The following LUC7L3 variants were observed in gnomAD, a reference collection of about 807,000 sequenced individuals.
LUC7L3 encodes the protein luc7-like protein 3.
In LUC7L3, 6 loss-of-function variants were observed where a neutral mutation model predicts 66.8. The ratio of observed to expected loss-of-function variants is 0.09; its 90% CI spans 0.05 to 0.18. LUC7L3 has a LOEUF of 0.18. LUC7L3 is among the 10% of genes least tolerant of loss of function. The pLI, the probability that LUC7L3 is intolerant of heterozygous loss-of-function variation, is 1.00. For missense variants in LUC7L3, 341 were observed against 531.1 expected, an observed-to-expected ratio of 0.64 and a Z score of 3.52; for synonymous variants, 160 against 174.7, an observed-to-expected ratio of 0.92 and a Z score of 0.66.
In LUC7L3 at chr17:50,751,169, T is replaced by C; in HGVS notation, c.*508T>C. On this transcript the variant is annotated 3_prime_UTR_variant, in exon 10 of 10. Transcript: ENST00000505658. ...CTAGTATTTCTTTGTCAAGGATGTT[T>C]CTAGTTTTTTGCTTTATTGCCTTGC... 6.7e-7 allele frequency: 1 copy of C among 1,481,940 alleles called. No individual in the cohort carries two copies. The highest frequency in any genetic ancestry group is 8.9e-7 in the Non-Finnish European group (1 of 1,118,674). 91.8% of individuals were successfully genotyped at this position (1,481,940 alleles called of 1,614,324 possible).
At chr17:50,749,880 A>G (rs1450115094) in intron 9 of LUC7L3, among the ~76,000 whole-genome samples, 1 of 152,160 alleles carries the variant, frequency 6.6e-6, no homozygotes, top group African/African-American at 2.4e-5. Flanking sequence ...GTTGAATTTT[A>G]ATTTCTCTTT....
At position 50,752,020 on chromosome 17, in the gene LUC7L3, C is replaced by G; in HGVS notation, c.*1359C>G. On this transcript the variant is annotated 3_prime_UTR_variant, in exon 10 of 10. Coordinates refer to ENST00000505658, the MANE Select transcript of LUC7L3 (RefSeq NM_016424.5). ...TCTGTGTATGTCATTCACACTTAGG[C>G]AAGCATACACAGGCACATGGCTTTA... The G allele has an allele frequency of 1.8e-6, 2 of 1,099,960 alleles. No individual in the cohort carries two copies. Among genetic ancestry groups the G allele is most frequent in the Non-Finnish European group, 2.2e-6 (2 of 895,514 alleles). The allele number at this position is 1,099,960 out of a possible 1,614,324, so 68.1% of individuals were successfully genotyped here.
chr17:50,719,862 G>C (rs1230071179), intron 1 of LUC7L3, 31 bp downstream of exon 1: 4 of 1,578,402 alleles, frequency 2.5e-6, no homozygotes, highest in Non-Finnish European at 3.4e-6. Flanking sequence ...CCTGAGCCCG[G>C]GCTCCGTGGG....
intron 1 of LUC7L3, chr17:50,724,064 A>G (rs1340159115): frequency 1.2e-5 from 5 of 410,408 alleles, no homozygotes; most frequent in South Asian, 5.0e-5. Flanking sequence ...ATTAGAGTGA[A>G]TAGTATAATA....
intron 5 of LUC7L3, among the ~76,000 whole-genome samples, chr17:50,743,406 A>G (rs1970474108): frequency 1.3e-5 from 2 of 151,828 alleles, no homozygotes; most frequent in South Asian, 4.1e-4. Flanking sequence ...GGGTTTCACC[A>G]TGTTGGCCAG....
chr17:50,721,147 A>G (rs780466229), intron 1 of LUC7L3, among the ~76,000 whole-genome samples: 4 of 151,782 alleles, frequency 2.6e-5, no homozygotes, highest in Admixed American at 6.6e-5. Flanking sequence ...AACTTTGCAA[A>G]TGTGTTAGGA....
chr17:50,744,408 A>G (rs958154125), intron 6 of LUC7L3, among the ~76,000 whole-genome samples: 2 of 152,210 alleles, frequency 1.3e-5, no homozygotes, highest in Admixed American at 6.5e-5. Context: ...TTGTAAGGTA[A>G]TGTGGGTGTT....
chr17:50,750,747 T>A lies in LUC7L3; in HGVS notation c.*86T>A, dbSNP rs756445766. The A allele has an allele frequency of 1.2e-6, 2 of 1,610,314 alleles. No individual in the cohort carries two copies. Among genetic ancestry groups the A allele is most frequent in the Non-Finnish European group, 1.7e-6 (2 of 1,178,572 alleles). On this transcript the variant is annotated 3_prime_UTR_variant, in exon 10 of 10. Transcript: ENST00000505658. ...AGGGCTTTTTGTTACTGTTTGACAGTGCAGCGTAAGTATGCACAGATGAAG... is the reference window on the plus strand; with the variant it reads ...AGGGCTTTTTGTTACTGTTTGACAGAGCAGCGTAAGTATGCACAGATGAAG...
At chr17:50,727,821 A>G (rs908871209) in intron 1 of LUC7L3, among the ~76,000 whole-genome samples, 4 of 152,164 alleles carry the variant, frequency 2.6e-5, no homozygotes, top group Admixed American at 6.5e-5. Context: ...AATAGTTTTT[A>G]TAGGCCGGGC....
intron 1 of LUC7L3, among the ~76,000 whole-genome samples, chr17:50,727,633 A>G (rs1038534096): frequency 6.6e-6 from 1 of 152,186 alleles, no homozygotes; most frequent in African/African-American, 2.4e-5. Flanking sequence ...CTTTAAATAC[A>G]TTTACCTAAA....
intron 1 of LUC7L3, among the ~76,000 whole-genome samples, chr17:50,724,851 T>C (rs1969066993): frequency 6.9e-6 from 1 of 144,364 alleles, no homozygotes; most frequent in Admixed American, 7.3e-5. Context: ...AACCTCCACC[T>C]CCCGGGTTCA....
intron 1 of LUC7L3, among the ~76,000 whole-genome samples, chr17:50,733,539 C>T (rs1969774181): frequency 6.6e-6 from 1 of 151,566 alleles, no homozygotes; most frequent in Non-Finnish European, 1.5e-5. Context: ...GTAGCTGGGA[C>T]TACAGGCGGC....
In LUC7L3 at chr17:50,751,796, AAAG is replaced by A; in HGVS notation, c.*1138_*1140del. On this transcript the variant is annotated 3_prime_UTR_variant, in exon 10 of 10. Coordinates refer to ENST00000505658, the MANE Select transcript of LUC7L3 (RefSeq NM_016424.5). The stretch of plus-strand genomic sequence containing the variant: ...ACAGACACCTTCAATTTGTGAAATC[AAAG>A]AACTGATGCACTATATAGAACGAAT... The A allele has an allele frequency of 9.8e-7, 1 of 1,018,558 alleles. No individual in the cohort carries two copies. The highest frequency in any genetic ancestry group is 1.2e-6 in the Non-Finnish European group (1 of 849,280). 63.1% of individuals were successfully genotyped at this position (1,018,558 alleles called of 1,614,324 possible). A position where few individuals can be genotyped will look rare whatever the true frequency, so the allele number is the denominator to read the frequency against.
intron 1 of LUC7L3, among the ~76,000 whole-genome samples, chr17:50,728,978 A>G (rs1051006857): frequency 1.3e-5 from 2 of 152,190 alleles, no homozygotes; most frequent in Non-Finnish European, 2.9e-5. Context: ...GTAAGTCTGC[A>G]TTTAACGTCG....
rs964127101 is a variant in LUC7L3, at chr17:50,749,475, T to C, written c.1139-1026T>C. 1.0e-5 allele frequency: 8 copies of C among 777,804 alleles called. No homozygotes were observed. In the African/African-American group the frequency reaches 1.3e-4, roughly 12 times the overall value. 48.2% of individuals were successfully genotyped at this position (777,804 alleles called of 1,614,324 possible). On this transcript the variant is annotated intron_variant, in intron 9 of 9. Transcript: ENST00000505658. ...GTGTTACGGACTAAATATGCTCTTT[T>C]ACATAAGATCTTCAGTTCTCTGAGT...
chr17:50,724,001 T>C, intron 1 of LUC7L3: 1 of 454,426 alleles, frequency 2.2e-6, no homozygotes, highest in South Asian at 1.6e-5. Flanking sequence ...CAGCAGTCCA[T>C]GTGTTATATG....
At chr17:50,733,674 T>A (rs545126992) in intron 1 of LUC7L3, among the ~76,000 whole-genome samples, 14 of 152,230 alleles carry the variant, frequency 9.2e-5, no homozygotes, top group Non-Finnish European at 1.9e-4. Flanking sequence ...GTGCTGGGAT[T>A]ACAGGCGTGC....
chr17:50,750,638 G>C lies in LUC7L3; in HGVS notation c.1276G>C (p.Glu426Gln). The change falls in exon 10 of 10, where the codon GAA becomes CAA. Residue 426 changes from glutamate (E) to glutamine (Q), a missense_variant. Glu to Gln is a conservative substitution (Grantham distance 29). Transcript: ENST00000505658. ...VNGTSEDIKS[E>Q]GDTQSN is the part of the protein sequence containing the mutation. ...TGGGACCAGTGAAGACATTAAATCT[G>C]AAGGTGACACTCAGTCCAATTAAAA... is the stretch of plus-strand genomic sequence containing the variant. 1 of 1,614,068 alleles carries C rather than the reference G, an allele frequency of 6.2e-7. No individual in the cohort carries two copies.
Position 50,752,146 on chromosome 17 carries a change from T to C in LUC7L3, c.*1485T>C, listed in dbSNP as rs1417708446. ...CTGGGCCAACACTTTCTCATAAAAA[T>C]TGGCCTTTTACATGTTGTCTAATTA... is the stretch of plus-strand genomic sequence containing the variant. On this transcript the variant is annotated 3_prime_UTR_variant, in exon 10 of 10. Transcript: ENST00000505658. 3 of 1,275,502 alleles carry C rather than the reference T, an allele frequency of 2.4e-6. No homozygotes were observed. Among genetic ancestry groups the C allele is most frequent in the East Asian group, 1.1e-4 (2 of 17,470 alleles). 79.0% of individuals were successfully genotyped at this position (1,275,502 alleles called of 1,614,324 possible). A position where few individuals can be genotyped will look rare whatever the true frequency, so the allele number is the denominator to read the frequency against.
Sources: gnomAD v4.1 joint callset for allele counts (sites outside exome capture counted in the v4.1 genomes callset) on GRCh38, gnomAD v4.1.1 for gene constraint, MANE v1.5 for transcripts, NCBI Gene and HGNC (gene_info 2026-07-23, HGNC 2026-07-21) for gene names.